The following UBE3D variants were observed in gnomAD, a reference collection of about 807,000 sequenced individuals.
UBE3D encodes the protein E3 ubiquitin-protein ligase E3D.
In UBE3D, 48 loss-of-function variants were observed where a neutral mutation model predicts 49.6. The ratio of observed to expected loss-of-function variants is 0.97; its 90% CI spans 0.77 to 1.23. The LOEUF is 1.23. Ranked by LOEUF, UBE3D falls within the 50% of genes most tolerant of loss-of-function variation. UBE3D has a pLI of 0.00. For missense variants in UBE3D, 452 were observed against 468.4 expected (o/e 0.96, Z 0.32); for synonymous variants, 189 against 174.2 (o/e 1.08, Z -0.67).
intron 7 of UBE3D, among the ~76,000 whole-genome samples, chr6:83,021,800 C>G (rs1781114497): frequency 6.6e-6 from 1 of 151,778 alleles, no homozygotes; most frequent in Admixed American, 6.6e-5. Flanking sequence ...ACCCAGGAGG[C>G]TGAGCTTGCA....
intron 5 of UBE3D, among the ~76,000 whole-genome samples, chr6:83,031,073 T>C (rs528364971): frequency 1.1e-4 from 17 of 152,222 alleles, no homozygotes; most frequent in Admixed American, 3.9e-4. Flanking sequence ...AGTGGTGCGA[T>C]ATCAGCTCAC....
intron 5 of UBE3D, among the ~76,000 whole-genome samples, chr6:83,034,797 C>G (rs752918155): frequency 9.9e-5 from 15 of 152,086 alleles, no homozygotes; most frequent in Non-Finnish European, 1.8e-4. Context: ...ATTACCCAGT[C>G]TCAAGTAGTT....
intron 8 of UBE3D, among the ~76,000 whole-genome samples, chr6:82,975,979 A>G (rs1282167505): frequency 2.0e-5 from 3 of 152,228 alleles, no homozygotes; most frequent in Non-Finnish European, 2.9e-5. Context: ...AGAGAAGATT[A>G]TTAAGAGATT....
At chr6:82,883,073 T>A in the UBE3D span, among the ~76,000 whole-genome samples, 1 of 152,242 alleles carries the variant, frequency 6.6e-6, no homozygotes, top group Non-Finnish European at 1.5e-5. Context: ...TATATTCATC[T>A]AAGACCATAT....
At chr6:83,056,801 G>T (rs985346221) in intron 2 of UBE3D, among the ~76,000 whole-genome samples, 1 of 152,170 alleles carries the variant, frequency 6.6e-6, no homozygotes, top group Admixed American at 6.5e-5. Flanking sequence ...ACACAGCGCA[G>T]ATGAAAGGTT....
rs1194435045 is a variant in UBE3D at position 82,957,421 on chromosome 6, C to T, written c.1040G>A (p.Ser347Asn). The change falls in exon 9 of 10, where the codon AGC (serine) becomes AAC (asparagine). Residue 347 changes from serine (S) to asparagine (N), a missense_variant. Coordinates refer to ENST00000369747, the MANE Select transcript of UBE3D (RefSeq NM_198920.3). ...KLVSLWESDI[S>N]VHPLTLPSAT... is the part of the protein sequence containing the mutation. ...AGAGGGCAGGGTTAGCGGGTGGACG[C>T]TGATGTCACTTTCCCACAAGCTGAC... 1 of 1,614,038 alleles carries T rather than the reference C, an allele frequency of 6.2e-7. No homozygotes were observed. Among genetic ancestry groups the T allele is most frequent in the East Asian group, 2.2e-5 (1 of 44,866 alleles).
chr6:82,954,311 A>C (rs568185220), intron 9 of UBE3D, among the ~76,000 whole-genome samples: 1 of 152,340 alleles, frequency 6.6e-6, no homozygotes, highest in African/African-American at 2.4e-5. Context: ...TTATAATTGC[A>C]TTAGAAATAG....
At chr6:82,987,503 TA>T (rs1778604539) in intron 8 of UBE3D, among the ~76,000 whole-genome samples, 1 of 152,162 alleles carries the variant, frequency 6.6e-6, no homozygotes, top group Non-Finnish European at 1.5e-5. Context: ...GATAAAAAAT[TA>T]AAGCCAATGC....
chr6:83,032,996 C>T (rs1177268470), intron 5 of UBE3D, among the ~76,000 whole-genome samples: 3 of 152,082 alleles, frequency 2.0e-5, no homozygotes, highest in Non-Finnish European at 2.9e-5. Flanking sequence ...TGTTTATTAA[C>T]AGCATGAGAA....
Position 83,019,066 on chromosome 6 carries a change from G to C in UBE3D, c.917C>G (p.Pro306Arg). 1 of 1,613,716 alleles carries C rather than the reference G, an allele frequency of 6.2e-7. No individual in the cohort carries two copies. The highest frequency in any genetic ancestry group is 8.5e-7 in the Non-Finnish European group (1 of 1,179,812). Residue 306 changes from proline to arginine, a missense_variant, in exon 8 of 10, where the codon CCC becomes CGC. By Grantham distance (103) the Pro-to-Arg change is moderately radical (BLOSUM62 -2). Transcript: ENST00000369747. ...GGCTTTGAATGTGTTTTCCAACAAG[G>C]GGAATTTTTTGATATATTTGGAATT... ...LRNSKYIKKF[P>R]LLENTFKADS...
chr6:83,045,873 C>G (rs148915461), intron 3 of UBE3D, among the ~76,000 whole-genome samples: 1 of 152,236 alleles, frequency 6.6e-6, no homozygotes, highest in Non-Finnish European at 1.5e-5. Context: ...GTCATCATGT[C>G]TCCCTAGTCT....
intron 4 of UBE3D, among the ~76,000 whole-genome samples, chr6:83,039,659 T>C (rs1322394807): frequency 1.3e-5 from 2 of 152,140 alleles, no homozygotes; most frequent in Non-Finnish European, 2.9e-5. Context: ...TTTTGTTTTG[T>C]TTTGAGATGG....
chr6:82,958,641 A>G (rs1333102412), intron 8 of UBE3D, among the ~76,000 whole-genome samples: 6 of 152,204 alleles, frequency 3.9e-5, no homozygotes, highest in Non-Finnish European at 8.8e-5. Flanking sequence ...GTACTGGCCA[A>G]CTAGTTGGAC....
chr6:83,062,310 C>G (rs993792517), intron 1 of UBE3D, among the ~76,000 whole-genome samples: 16 of 152,256 alleles, frequency 1.1e-4, no homozygotes, highest in African/African-American at 3.4e-4. Flanking sequence ...ATAAATAGAT[C>G]TTTACATCTG....
intron 5 of UBE3D, among the ~76,000 whole-genome samples, chr6:83,026,018 T>C (rs1305068280): frequency 2.0e-5 from 3 of 151,414 alleles, no homozygotes; most frequent in Non-Finnish European, 4.4e-5. Flanking sequence ...ATAATATCAA[T>C]AGAAAAATAC....
intron 9 of UBE3D, among the ~76,000 whole-genome samples, chr6:82,897,683 C>CA (rs1562061909): frequency 1.3e-5 from 2 of 151,694 alleles, no homozygotes; most frequent in South Asian, 4.2e-4. Context: ...AATGTAAAAA[C>CA]AAAAATAAAA....
rs955016641 is a variant in UBE3D at position 82,894,192 on chromosome 6, AC to A, written c.1150-1151del. Among the ~76,000 whole-genome samples, 56 of 150,766 alleles carry A rather than the reference AC, an allele frequency of 3.7e-4. No homozygotes were observed. The South Asian group carries it at 6.6e-3, about 18-fold the overall frequency. ...GCACCATTTTGTAAGCCTCGCCCCC[AC>A]CCCCCCAACCATTTCATAGTCCCAG... On this transcript the variant is annotated intron_variant, in intron 9 of 9. Transcript: ENST00000369747.
At chr6:82,969,758 T>G (rs139968862) in intron 8 of UBE3D, among the ~76,000 whole-genome samples, 2 of 152,252 alleles carry the variant, frequency 1.3e-5, no homozygotes, top group Non-Finnish European at 2.9e-5. Context: ...GGTCCCAAAA[T>G]TTATATTTTA....
chr6:83,019,179 C>G (rs759102210), intron 7 of UBE3D, 43 bp from the exon 8 acceptor site: 1 of 1,552,226 alleles, frequency 6.4e-7, no homozygotes, highest in East Asian at 2.3e-5. Context: ...AATATTGTCA[C>G]CTTATCCATA....
Sources: gnomAD v4.1 joint callset for allele counts (sites outside exome capture counted in the v4.1 genomes callset) on GRCh38, gnomAD v4.1.1 for gene constraint, MANE v1.5 for transcripts, NCBI Gene and HGNC (gene_info 2026-07-23, HGNC 2026-07-21) for gene names.